The following WARS1 variants were observed in gnomAD, a reference collection of about 807,000 sequenced individuals.
The protein encoded by WARS1 is tryptophan--tRNA ligase, cytoplasmic.
In WARS1, 17 loss-of-function variants were observed where a neutral mutation model predicts 47.8. The ratio of observed to expected loss-of-function variants is 0.36; its 90% CI spans 0.24 to 0.53. WARS1 has a LOEUF of 0.53. WARS1 is among the 20% of genes least tolerant of loss of function. The pLI is 0.91. For missense variants in WARS1, 434 were observed against 608.0 expected, an observed-to-expected ratio of 0.71 and a Z score of 3.01; for synonymous variants, 208 against 228.1, an observed-to-expected ratio of 0.91 and a Z score of 0.79.
At chr14:100,362,359 G>T (rs1047721642) in intron 2 of WARS1, among the ~76,000 whole-genome samples, 1 of 152,160 alleles carries the variant, frequency 6.6e-6, no homozygotes, top group Admixed American at 6.5e-5. Context: ...ATACCACACA[G>T]GTTGAGATGA....
At chr14:100,355,163 C>A (rs1895235231) in intron 4 of WARS1, among the ~76,000 whole-genome samples, 1 of 152,146 alleles carries the variant, frequency 6.6e-6, no homozygotes, top group Non-Finnish European at 1.5e-5. Flanking sequence ...CTGCGCCCCA[C>A]CTCCAGAGAC....
chr14:100,335,727 C>T (rs1329856294), intron 10 of WARS1, among the ~76,000 whole-genome samples: 1 of 152,120 alleles, frequency 6.6e-6, no homozygotes, highest in East Asian at 1.9e-4. Context: ...ACTGCATGCT[C>T]ATTAAGCAAA....
intron 7 of WARS1, among the ~76,000 whole-genome samples, chr14:100,345,482 T>A (rs923890157): frequency 6.6e-5 from 10 of 151,850 alleles, no homozygotes; most frequent in African/African-American, 2.4e-4. Flanking sequence ...TTAAGAGTCA[T>A]CACCACTCCC....
In WARS1 at chr14:100,354,017, A is replaced by G. The variant is rs552402237; in HGVS notation, c.543-148T>C. The G allele has an allele frequency of 5.4e-5, 38 of 708,274 alleles. No individual in the cohort carries two copies. In the African/African-American group the frequency reaches 6.1e-4, roughly 11 times the overall value. 43.9% of individuals were successfully genotyped at this position (708,274 alleles called of 1,614,324 possible). A position where few individuals can be genotyped will look rare whatever the true frequency, so the allele number is the denominator to read the frequency against. ...CAATTTGAATTGTGATATGAATTTG[A>G]CTATGGATAATGATAAGGTCTACTA... On this transcript the variant is annotated intron_variant, in intron 5 of 10. Coordinates refer to ENST00000392882, the MANE Select transcript of WARS1 (RefSeq NM_004184.4).
At chr14:100,335,100 C>G (rs1893626297) in intron 10 of WARS1, 64 bp from the exon 11 acceptor site, 1 of 1,550,390 alleles carries the variant, frequency 6.4e-7, no homozygotes, top group Non-Finnish European at 8.8e-7. Context: ...TCCTTCCTGC[C>G]TCGGGCACCA....
chr14:100,336,917 G>A, intron 10 of WARS1, 145 bp downstream of exon 10: 1 of 1,127,032 alleles, frequency 8.9e-7, no homozygotes, highest in South Asian at 1.7e-5. Context: ...TAAAAACCAT[G>A]AGGGCGAGTC....
chr14:100,336,248 C>T (rs2139873338), intron 10 of WARS1, among the ~76,000 whole-genome samples: 1 of 135,532 alleles, frequency 7.4e-6, no homozygotes, highest in African/African-American at 2.7e-5. Context: ...TGCACTCCAG[C>T]CTGGGTGACA....
At chr14:100,338,021 CA>C (rs1401487276) in intron 9 of WARS1, among the ~76,000 whole-genome samples, 1 of 152,056 alleles carries the variant, frequency 6.6e-6, no homozygotes, top group East Asian at 1.9e-4. Context: ...GAAAGCATAA[CA>C]AGAAGGCACA....
intron 10 of WARS1, 164 bp downstream of exon 10, chr14:100,336,898 G>A (rs1242850135): frequency 2.2e-6 from 2 of 913,798 alleles, no homozygotes; most frequent in Non-Finnish European, 3.2e-6. Flanking sequence ...AGGCTTCTGA[G>A]CCCAGGCCTA....
intron 7 of WARS1, among the ~76,000 whole-genome samples, chr14:100,346,138 C>T (rs767770543): frequency 7.9e-5 from 12 of 151,254 alleles, no homozygotes; most frequent in African/African-American, 1.7e-4. Flanking sequence ...TAAAAGTCTA[C>T]GAAGCCAATG....
intron 2 of WARS1, chr14:100,368,251 A>G (rs1469832752): frequency 1.2e-5 from 4 of 347,128 alleles, no homozygotes; most frequent in Non-Finnish European, 2.3e-5. Context: ...TATTAAGACA[A>G]ATATTAACTC....
In WARS1 at chr14:100,344,895, C is replaced by T. The variant is rs1360390002; in HGVS notation, c.827-1508G>A. Among the ~76,000 whole-genome samples, 5 of 151,502 alleles carry T rather than the reference C, an allele frequency of 3.3e-5. No homozygotes were observed. In the East Asian group the frequency reaches 5.9e-4, roughly 18 times the overall value. On this transcript the variant is annotated intron_variant, in intron 7 of 10. Coordinates refer to ENST00000392882, the MANE Select transcript of WARS1 (RefSeq NM_004184.4). ...GAGCCCCTCCACCCGGCAGCCACCC[C>T]GTCTGGGAAGTGAGGAGCGTCTCCG...
intron 1 of WARS1, chr14:100,374,317 T>C (rs988533547): frequency 6.6e-6 from 1 of 152,218 alleles, no homozygotes; most frequent in Non-Finnish European, 1.5e-5. Context: ...TTATCTTCCC[T>C]AAACAAAAGT....
At chr14:100,349,953 C>G (rs1240628647) in intron 6 of WARS1, among the ~76,000 whole-genome samples, 1 of 152,216 alleles carries the variant, frequency 6.6e-6, no homozygotes, top group East Asian at 1.9e-4. Context: ...AGAAGAAACT[C>G]TTAAAGTAAA....
Position 100,354,540 on chromosome 14 carries a change from T to C in WARS1, c.449A>G (p.Tyr150Cys). The change falls in exon 5 of 11, where the codon TAT becomes TGT. Residue 150 changes from tyrosine (Y) to cysteine (C), a missense_variant. Physicochemically the swap from Tyr to Cys is radical, Grantham distance 194. This residue lies in a region of WARS1 where 347 missense variants were observed against 523.8 expected (regional missense o/e 0.66). Transcript: ENST00000392882. ...CAGATAAAATGGCTTCTTATTTTCA[T>C]AGGCATCAAGAACCTGATTCATATC... is the stretch of plus-strand genomic sequence containing the variant. The part of the protein sequence containing the change: ...HRDMNQVLDA[Y>C]ENKKPFYLYT... 1.9e-6 allele frequency: 3 copies of C among 1,613,544 alleles called. No individual in the cohort carries two copies. Among genetic ancestry groups the C allele is most frequent in the Non-Finnish European group, 2.5e-6 (3 of 1,179,784 alleles).
In WARS1 at chr14:100,343,303, T is replaced by G; in HGVS notation, c.911A>C (p.Gln304Pro). 1 of 1,613,168 alleles carries G rather than the reference T, an allele frequency of 6.2e-7. No individual in the cohort carries two copies. The highest frequency in any genetic ancestry group is 1.1e-5 in the South Asian group (1 of 91,032). The change falls in exon 8 of 11, where the codon CAG (glutamine) becomes CCG (proline). Residue 304 changes from glutamine (Q) to proline (P), a missense_variant. Physicochemically the swap from Gln to Pro is moderately conservative, Grantham distance 76. Around this residue, in one of 2 missense-constraint regions of WARS1, gnomAD observed 347 missense variants for 523.8 expected, o/e 0.66. Transcript: ENST00000392882. ...GTCAATGGCACATGGGATAAGGCACTGGATATCCGTCCTGTCTCGGAAGAT... is the reference window on the plus strand; with the variant it reads ...GTCAATGGCACATGGGATAAGGCACGGGATATCCGTCCTGTCTCGGAAGAT... ...PQIFRDRTDI[Q>P]CLIPCAIDQD...
In WARS1 at chr14:100,368,396, T is replaced by C. The variant is rs545840461; in HGVS notation, c.99+691A>G. The stretch of plus-strand genomic sequence containing the variant: ...GACCTAACTACAACTGCAATACAGA[T>C]GGGGAGACTGCCTGGACGGGAAGTG... On this transcript the variant is annotated intron_variant, in intron 2 of 10. Transcript: ENST00000392882. 6.4e-5 allele frequency: 29 copies of C among 455,992 alleles called. No individual in the cohort carries two copies. In the East Asian group the frequency reaches 1.8e-3, roughly 28 times the overall value. The allele number at this position is 455,992 out of a possible 1,614,324, so 28.2% of individuals were successfully genotyped here.
chr14:100,336,986 G>A, intron 10 of WARS1, 76 bp downstream of exon 10: 4 of 1,564,310 alleles, frequency 2.6e-6, no homozygotes, highest in African/African-American at 1.3e-5. Context: ...ATGCCTGGCT[G>A]TTGGAGCCTT....
chr14:100,340,296 C>A, intron 9 of WARS1: 1 of 152,540 alleles, frequency 6.6e-6, no homozygotes. Context: ...TGGAGCACTG[C>A]TGCCAGCAAC....
Sources: gnomAD v4.1 joint callset for allele counts (sites outside exome capture counted in the v4.1 genomes callset) on GRCh38, gnomAD v4.1.1 for gene constraint, gnomAD v4.1.1 regional missense constraint, MANE v1.5 for transcripts, NCBI Gene and HGNC (gene_info 2026-07-23, HGNC 2026-07-21) for gene names.